Variants in RYR3 observed in about 807,000 individuals in gnomAD.
RYR3 encodes the protein brain ryanodine receptor-calcium release channel.
Under a neutral mutation model 584.3 loss-of-function variants are expected in RYR3, and 207 were observed. The observed-to-expected ratio is 0.35, with a 90% CI of 0.32 to 0.40. The LOEUF is 0.40. RYR3 is among the 10% of genes least tolerant of loss of function. RYR3 has a pLI of 1.00. For synonymous variants in RYR3, 2,416 were observed against 2,248.5 expected (o/e 1.07, Z -2.11); for missense variants, 5,616 against 6,089.2 (o/e 0.92, Z 2.59).
chr15:33,423,115 A>C (rs1031840284), intron 1 of RYR3, among the ~76,000 whole-genome samples: 7 of 152,150 alleles, frequency 4.6e-5, no homozygotes, highest in African/African-American at 1.7e-4. Flanking sequence ...AAACATCTCC[A>C]TTACCACAAA....
intron 1 of RYR3, among the ~76,000 whole-genome samples, chr15:33,366,837 C>T (rs746346285): frequency 2.5e-4 from 38 of 152,000 alleles, no homozygotes; most frequent in African/African-American, 3.1e-4. Flanking sequence ...ACAATGAGAC[C>T]GGTCAATAGA....
chr15:33,311,202 C>G lies in RYR3; in HGVS notation c.51+106C>G, dbSNP rs1567001758. 1 of 863,014 alleles carries G rather than the reference C, an allele frequency of 1.2e-6. No individual in the cohort carries two copies. The highest frequency in any genetic ancestry group is 1.8e-5 in the African/African-American group (1 of 55,744). 53.5% of individuals were successfully genotyped at this position (863,014 alleles called of 1,614,324 possible). A position where few individuals can be genotyped will look rare whatever the true frequency, so the allele number is the denominator to read the frequency against. ...CGCCGCGGTGCCGGGTGCCCGGTGC[C>G]GGGCGCTTTCTCCGCACCCGCGGGC... On this transcript the variant is annotated intron_variant, in intron 1 of 103. Transcript: ENST00000634891. This position sits in a 1 kb window ranked among gnomAD's most constrained non-coding sequence, Gnocchi z 4.4.
At chr15:33,611,861 G>A (rs2060209262) in intron 18 of RYR3, among the ~76,000 whole-genome samples, 1 of 152,034 alleles carries the variant, frequency 6.6e-6, no homozygotes, top group Non-Finnish European at 1.5e-5. Context: ...GTTTCACCAT[G>A]TTGGCCAGGC....
chr15:33,781,495 C>T (rs1364291831), intron 65 of RYR3, among the ~76,000 whole-genome samples: 4 of 152,302 alleles, frequency 2.6e-5, no homozygotes, highest in Non-Finnish European at 1.5e-5. Context: ...AAGGAAGAAG[C>T]ATTCTGAGCA....
chr15:33,331,000 C>A (rs1970312284), intron 1 of RYR3, among the ~76,000 whole-genome samples: 1 of 152,128 alleles, frequency 6.6e-6, no homozygotes, highest in Non-Finnish European at 1.5e-5. Context: ...TAGCTGCTTT[C>A]CCCAGGAGCA....
intron 36 of RYR3, 62 bp downstream of exon 36, chr15:33,663,799 G>A: frequency 1.4e-6 from 2 of 1,431,066 alleles, no homozygotes; most frequent in East Asian, 5.0e-5. Context: ...CTATGGAACA[G>A]GGCACATGAA....
intron 19 of RYR3, among the ~76,000 whole-genome samples, chr15:33,616,222 A>G (rs1336089272): frequency 6.6e-6 from 1 of 152,226 alleles, no homozygotes; most frequent in Non-Finnish European, 1.5e-5. Flanking sequence ...TCTCCAGTCT[A>G]CTAGCTAATG....
chr15:33,549,476 A>T (rs1451348890), intron 9 of RYR3, among the ~76,000 whole-genome samples: 2 of 152,224 alleles, frequency 1.3e-5, no homozygotes, highest in Admixed American at 1.3e-4. Flanking sequence ...TTTTAAAAAG[A>T]TAAATTTTGA....
At position 33,363,018 on chromosome 15, in the gene RYR3, C is replaced by G. The variant is rs28626644; in HGVS notation, c.51+51922C>G. Reference sequence around the variant, plus strand: ...TTTGGACATGGCTGTGTGTTATATACTTCTTCATATCCTCACCCTGTCCTG... The same window carrying G: ...TTTGGACATGGCTGTGTGTTATATAGTTCTTCATATCCTCACCCTGTCCTG... On this transcript the variant is annotated intron_variant, in intron 1 of 103. Transcript: ENST00000634891. Among the ~76,000 whole-genome samples, 7 of 152,000 alleles carry G rather than the reference C, an allele frequency of 4.6e-5. No individual in the cohort carries two copies. The South Asian group carries it at 1.5e-3, about 32-fold the overall frequency.
rs1255568978 is a variant in RYR3, at chr15:33,827,207, A to T, written c.11254A>T (p.Asn3752Tyr). ...LCEGHNSDFQ[N>Y]FLRTQMGNTT... ...AGCACTGGTGCTCTCAGACTTTCAG[A>T]ACTTCCTGCGGACTCAGATGGGCAA... The change falls in exon 85 of 104, where the codon AAC (asparagine) becomes TAC (tyrosine). Residue 3752 changes from asparagine to tyrosine, a missense_variant. Around this residue, in one of 9 missense-constraint regions of RYR3, gnomAD observed 954 missense variants for 1,132.2 expected, o/e 0.84. Coordinates refer to ENST00000634891, the MANE Select transcript of RYR3 (RefSeq NM_001036.6). The T allele has an allele frequency of 2.6e-6, 4 of 1,551,744 alleles. No homozygotes were observed. The highest frequency in any genetic ancestry group is 1.4e-5 in the African/African-American group (1 of 73,050).
chr15:33,594,627 T>C (rs140756707), intron 16 of RYR3, among the ~76,000 whole-genome samples: 13 of 152,336 alleles, frequency 8.5e-5, no homozygotes, highest in Non-Finnish European at 1.8e-4. Flanking sequence ...GTTTTTTCCT[T>C]TATTCCAATG....
Position 33,739,863 on chromosome 15 carries a change from T to G in RYR3, c.7688T>G (p.Leu2563Arg), listed in dbSNP as rs1415564028. 5 of 1,613,702 alleles carry G rather than the reference T, an allele frequency of 3.1e-6. No individual in the cohort carries two copies. In the South Asian group the frequency reaches 5.5e-5, roughly 18 times the overall value. The change falls in exon 51 of 104, where the codon CTG (leucine) becomes CGG (arginine). Residue 2563 changes from leucine to arginine, a missense_variant. Leu to Arg is a moderately radical substitution (Grantham distance 102). Around this residue, in one of 9 missense-constraint regions of RYR3, gnomAD observed 1,280 missense variants for 1,426.2 expected, o/e 0.90. Transcript: ENST00000634891. ...GACCCAGATCTTTTCCGAATGGCCC[T>G]GCCTTGTCTCAGTGCTATAGCTGGG... Reference protein sequence around the residue: ...KYDPDLFRMALPCLSAIAGAL... With the variant: ...KYDPDLFRMARPCLSAIAGAL...
intron 70 of RYR3, among the ~76,000 whole-genome samples, chr15:33,809,797 G>A (rs999789795): frequency 6.6e-6 from 1 of 151,938 alleles, no homozygotes; most frequent in Non-Finnish European, 1.5e-5. Context: ...CACCGCACCT[G>A]GCCTGGATTC....
chr15:33,739,291 C>G (rs2069824413), intron 50 of RYR3, among the ~76,000 whole-genome samples: 1 of 152,186 alleles, frequency 6.6e-6, no homozygotes, highest in African/African-American at 2.4e-5. Flanking sequence ...TTTCGTTGGT[C>G]TAGTATAAGC....
At chr15:33,716,781 A>G (rs1365200302) in intron 43 of RYR3, among the ~76,000 whole-genome samples, 1 of 152,182 alleles carries the variant, frequency 6.6e-6, no homozygotes, top group East Asian at 1.9e-4. Flanking sequence ...AACCTACTTA[A>G]TATACGTATG....
chr15:33,596,774 C>T (rs2059396914), intron 16 of RYR3, among the ~76,000 whole-genome samples: 1 of 152,082 alleles, frequency 6.6e-6, no homozygotes, highest in South Asian at 2.1e-4. Flanking sequence ...ATGGCAAAAA[C>T]CATAATCTCT....
chr15:33,623,388 G>A (rs966826842), intron 19 of RYR3, among the ~76,000 whole-genome samples: 2 of 152,072 alleles, frequency 1.3e-5, no homozygotes, highest in Non-Finnish European at 2.9e-5. Flanking sequence ...TTCTTTAACT[G>A]ATGTGTGGAT....
chr15:33,335,722 T>TA lies in RYR3; in HGVS notation c.51+24640dup, dbSNP rs548840408. On this transcript the variant is annotated intron_variant, in intron 1 of 103. Transcript: ENST00000634891. ...TAAAAGTGAAAAAATAAAGAATAAT[T>TA]AAAAAAAAAAAAAAGATCAGTGGAT... Among the ~76,000 whole-genome samples, 512 of 140,214 alleles carry TA rather than the reference T, an allele frequency of 3.7e-3. 1 individual carries two copies. The highest frequency in any genetic ancestry group is 0.011 in the Middle Eastern group (3 of 268). The allele number at this position is 140,214 out of a possible 152,430, so 92.0% of individuals were successfully genotyped here.
intron 1 of RYR3, among the ~76,000 whole-genome samples, chr15:33,338,463 A>G (rs1377701765): frequency 6.6e-6 from 1 of 152,128 alleles, no homozygotes; most frequent in East Asian, 1.9e-4. Flanking sequence ...CACAGACAAA[A>G]CGGGGTAGGG....
Sources: gnomAD v4.1 joint callset for allele counts (sites outside exome capture counted in the v4.1 genomes callset) on GRCh38, gnomAD v4.1.1 for gene constraint, gnomAD v4.1.1 regional missense constraint, Gnocchi (gnomAD v3.1) non-coding constraint, MANE v1.5 for transcripts, NCBI Gene and HGNC (gene_info 2026-07-23, HGNC 2026-07-21) for gene names.